ANO10: variants seen among roughly 807,000 people sequenced by gnomAD.
ANO10 encodes the protein anoctamin 10.
In ANO10, 77 loss-of-function variants were observed where a neutral mutation model predicts 74.7. The observed-to-expected ratio is 1.03, with a 90% CI of 0.86 to 1.25. The LOEUF (loss-of-function observed/expected upper bound fraction) is 1.25. Among genes scored for constraint, ANO10 ranks in the 50% most tolerant of loss-of-function variants. ANO10 has a pLI of 0.00. For synonymous variants in ANO10, 279 were observed against 284.9 expected, an observed-to-expected ratio of 0.98 and a Z score of 0.21; for missense variants, 721 against 778.1, an observed-to-expected ratio of 0.93 and a Z score of 0.87.
intron 1 of ANO10, among the ~76,000 whole-genome samples, chr3:43,652,629 G>A (rs1482181223): frequency 2.0e-5 from 3 of 152,074 alleles, no homozygotes; most frequent in African/African-American, 4.8e-5. Context: ...TACACCTTAA[G>A]TGGGTGGATT....
At chr3:43,672,393 G>A (rs977039981) in intron 1 of ANO10, among the ~76,000 whole-genome samples, 3 of 151,946 alleles carry the variant, frequency 2.0e-5, no homozygotes, top group Non-Finnish European at 4.4e-5. Flanking sequence ...AATTAACCGG[G>A]CCTGGTGCAT....
chr3:43,684,429 C>T (rs1461544112), intron 1 of ANO10, among the ~76,000 whole-genome samples: 2 of 152,178 alleles, frequency 1.3e-5, no homozygotes, highest in Non-Finnish European at 2.9e-5. Flanking sequence ...AGTCAGGAAA[C>T]AACAGGTGCT....
At chr3:43,453,695 A>G (rs2074989812) in intron 11 of ANO10, among the ~76,000 whole-genome samples, 1 of 152,230 alleles carries the variant, frequency 6.6e-6, no homozygotes, top group African/African-American at 2.4e-5. Flanking sequence ...CAGTTGTCCC[A>G]GCACCATGTG....
intron 12 of ANO10, among the ~76,000 whole-genome samples, chr3:43,417,411 CTG>C (rs1047151703): frequency 4.6e-5 from 7 of 152,180 alleles, no homozygotes; most frequent in African/African-American, 1.4e-4. Flanking sequence ...CTGAACCAAT[CTG>C]TGAGCCCTAC....
intron 11 of ANO10, among the ~76,000 whole-genome samples, chr3:43,546,917 C>T (rs2079219353): frequency 6.6e-6 from 1 of 151,988 alleles, no homozygotes; most frequent in Non-Finnish European, 1.5e-5. Context: ...TGGTTAAAGA[C>T]ACAAACCCAC....
rs374226518 is a variant in ANO10, at chr3:43,528,165, G to A, written c.1797+21555C>T. 1.1e-4 allele frequency among the ~76,000 whole-genome samples: 16 copies of A among 151,032 alleles called. 1 individual carries two copies. Among genetic ancestry groups the A allele is most frequent in the East Asian group, 7.8e-4 (4 of 5,110 alleles). ...AAACTCCTTATTCTTTCCAACAAGA[G>A]CTACTATTGCTAGTCTAGGAAAATT... On this transcript the variant is annotated intron_variant, in intron 11 of 12. Transcript: ENST00000292246.
At chr3:43,536,263 T>C (rs1432979728) in intron 11 of ANO10, among the ~76,000 whole-genome samples, 2 of 152,240 alleles carry the variant, frequency 1.3e-5, no homozygotes, top group Non-Finnish European at 1.5e-5. Flanking sequence ...TGATATCAAC[T>C]GTGATCCCTC....
rs2080918710 is a variant in ANO10 at position 43,574,814 on chromosome 3, A to C, written c.1213T>G (p.Leu405Val). The change falls in exon 7 of 13, where the codon TTA (leucine) becomes GTA (valine). Residue 405 changes from leucine to valine, a missense_variant. Coordinates refer to ENST00000292246, the MANE Select transcript of ANO10 (RefSeq NM_018075.5). ...TACATAAACGCTGTACTTACCACTA[A>C]AACTTTCAGAATTAGATGGTTCTGA... ...AYQNHLILKV[L>V]VFNFLNCFAS... 3 of 1,613,658 alleles carry C rather than the reference A, an allele frequency of 1.9e-6. No homozygotes were observed. Among genetic ancestry groups the C allele is most frequent in the Admixed American group, 1.7e-5 (1 of 59,998 alleles).
At chr3:43,524,442 G>A (rs2078101333) in intron 11 of ANO10, among the ~76,000 whole-genome samples, 1 of 152,102 alleles carries the variant, frequency 6.6e-6, no homozygotes, top group Non-Finnish European at 1.5e-5. Context: ...AACAGTTCCT[G>A]CATTTACAGT....
intron 1 of ANO10, chr3:43,691,092 C>T: frequency 2.0e-6 from 3 of 1,495,876 alleles, no homozygotes; most frequent in South Asian, 1.3e-5. Flanking sequence ...ACCCTCCGCG[C>T]GGGCCGGGTT....
At chr3:43,516,570 T>C (rs939786775) in intron 11 of ANO10, among the ~76,000 whole-genome samples, 1 of 152,160 alleles carries the variant, frequency 6.6e-6, no homozygotes, top group Non-Finnish European at 1.5e-5. Flanking sequence ...GCAAGGGATA[T>C]AGTCAGAACC....
intron 11 of ANO10, chr3:43,484,997 G>A: frequency 6.9e-7 from 1 of 1,455,948 alleles, no homozygotes; most frequent in Non-Finnish European, 9.3e-7. Context: ...GGGCCTCTTG[G>A]TGGTGAGGCG....
intron 1 of ANO10, among the ~76,000 whole-genome samples, chr3:43,621,387 G>A (rs550065483): frequency 6.6e-6 from 1 of 152,196 alleles, no homozygotes; most frequent in African/African-American, 2.4e-5. Flanking sequence ...GCATTATCCT[G>A]CAAGCCCGCT....
intron 11 of ANO10, among the ~76,000 whole-genome samples, chr3:43,484,165 T>C (rs911398506): frequency 6.6e-6 from 1 of 152,058 alleles, no homozygotes; most frequent in Non-Finnish European, 1.5e-5. Context: ...TCTCCTGGGC[T>C]CAAGCGATCT....
intron 11 of ANO10, among the ~76,000 whole-genome samples, chr3:43,451,483 A>G (rs920724601): frequency 2.0e-5 from 3 of 152,302 alleles, no homozygotes; most frequent in South Asian, 2.1e-4. Flanking sequence ...TTCTCTAACG[A>G]AAGTCCTGCA....
At chr3:43,637,173 AAAAC>A (rs1244881789) in intron 1 of ANO10, among the ~76,000 whole-genome samples, 1 of 151,526 alleles carries the variant, frequency 6.6e-6, no homozygotes, top group Non-Finnish European at 1.5e-5. Context: ...CTGTCTCAAA[AAAAC>A]AAACAAAAAG....
intron 1 of ANO10, among the ~76,000 whole-genome samples, chr3:43,635,530 A>G (rs921338054): frequency 2.0e-5 from 3 of 152,234 alleles, no homozygotes; most frequent in African/African-American, 7.2e-5. Context: ...ATGTGATGAA[A>G]TAGACAATGG....
intron 11 of ANO10, among the ~76,000 whole-genome samples, chr3:43,483,546 C>G (rs1471692694): frequency 2.0e-5 from 3 of 152,104 alleles, no homozygotes; most frequent in Non-Finnish European, 4.4e-5. Flanking sequence ...TCAAAAGATT[C>G]GTAAGTCAAC....
rs565413958 is a variant in ANO10 at position 43,526,548 on chromosome 3, T to C, written c.1797+23172A>G. 2.6e-5 allele frequency among the ~76,000 whole-genome samples: 4 copies of C among 152,300 alleles called. No individual in the cohort carries two copies. The South Asian group carries it at 8.3e-4, about 32-fold the overall frequency. ...TCAAGAGAATGTATAGTATAACATA[T>C]ACAGAATTTAAAGAGGCAAAACTAA... On this transcript the variant is annotated intron_variant, in intron 11 of 12. Transcript: ENST00000292246.
Sources: gnomAD v4.1 joint callset for allele counts (sites outside exome capture counted in the v4.1 genomes callset) on GRCh38, gnomAD v4.1.1 for gene constraint, MANE v1.5 for transcripts, NCBI Gene and HGNC (gene_info 2026-07-23, HGNC 2026-07-21) for gene names.